GPC5: variants seen among roughly 807,000 people sequenced by gnomAD.
GPC5 encodes the protein glypican 5.
In GPC5, 47 loss-of-function variants were observed where a neutral mutation model predicts 53.9. The ratio of observed to expected loss-of-function variants is 0.87; its 90% CI spans 0.69 to 1.11. The LOEUF (loss-of-function observed/expected upper bound fraction) is 1.11, where lower values mean the gene tolerates loss of function less well. GPC5 is among the 50% of genes most tolerant of loss of function. GPC5 has a pLI of 0.00. For missense variants in GPC5, 748 were observed against 713.1 expected, an observed-to-expected ratio of 1.05 and a Z score of -0.56; for synonymous variants, 286 against 263.3, an observed-to-expected ratio of 1.09 and a Z score of -0.84.
At chr13:92,741,961 C>T (rs1314113849) in intron 7 of GPC5, among the ~76,000 whole-genome samples, 1 of 151,924 alleles carries the variant, frequency 6.6e-6, no homozygotes, top group Admixed American at 6.6e-5. Context: ...ATATGTGCCA[C>T]ATTTTCTTAA....
At chr13:91,573,312 A>G (rs2032006870) in intron 2 of GPC5, among the ~76,000 whole-genome samples, 1 of 152,170 alleles carries the variant, frequency 6.6e-6, no homozygotes, top group Non-Finnish European at 1.5e-5. Context: ...TAATCTCCTT[A>G]CGACAGCTAC....
chr13:91,871,753 G>A (rs2039147366), intron 5 of GPC5, among the ~76,000 whole-genome samples: 1 of 150,614 alleles, frequency 6.6e-6, no homozygotes, highest in South Asian at 2.1e-4. Context: ...ATTTGCTTTT[G>A]GAAATAACTT....
chr13:92,629,865 T>C (rs1242596726), intron 7 of GPC5, among the ~76,000 whole-genome samples: 2 of 152,170 alleles, frequency 1.3e-5, no homozygotes, highest in African/African-American at 4.8e-5. Context: ...GTTAGCGATT[T>C]TTCTGTAATT....
chr13:92,485,067 A>G (rs1390583444), intron 7 of GPC5, among the ~76,000 whole-genome samples: 1 of 152,118 alleles, frequency 6.6e-6, no homozygotes, highest in African/African-American at 2.4e-5. Context: ...AGATGCAGCC[A>G]AGGGGATGTT....
At chr13:91,650,532 A>G (rs1478955456) in intron 2 of GPC5, among the ~76,000 whole-genome samples, 1 of 148,622 alleles carries the variant, frequency 6.7e-6, no homozygotes, top group Non-Finnish European at 1.5e-5. Context: ...AAACAAAACA[A>G]AATGAAAACA....
At chr13:91,942,168 C>G (rs1478957874) in intron 6 of GPC5, among the ~76,000 whole-genome samples, 1 of 151,988 alleles carries the variant, frequency 6.6e-6, no homozygotes, top group Non-Finnish European at 1.5e-5. Flanking sequence ...TATTGTTGGT[C>G]TTATTTATGT....
At chr13:92,474,070 G>C (rs1879007804) in intron 7 of GPC5, among the ~76,000 whole-genome samples, 1 of 151,872 alleles carries the variant, frequency 6.6e-6, no homozygotes. Context: ...AATTGAAAAA[G>C]GTAATTATTC....
chr13:92,847,114 T>C (rs1389357152), intron 7 of GPC5, among the ~76,000 whole-genome samples: 3 of 152,180 alleles, frequency 2.0e-5, no homozygotes, highest in Admixed American at 6.5e-5. Context: ...TTAGAAATGA[T>C]TTTTCCCCAC....
chr13:91,767,113 T>A (rs1205441447), intron 5 of GPC5, among the ~76,000 whole-genome samples: 2 of 152,218 alleles, frequency 1.3e-5, no homozygotes, highest in African/African-American at 2.4e-5. Context: ...CATTCTTGAG[T>A]GAAATGCTCT....
chr13:92,261,163 A>G (rs2042764288), intron 7 of GPC5, among the ~76,000 whole-genome samples: 1 of 152,190 alleles, frequency 6.6e-6, no homozygotes, highest in African/African-American at 2.4e-5. Context: ...ATTATGATGT[A>G]TTATTAAATG....
At chr13:92,548,392 T>G (rs1882199257) in intron 7 of GPC5, among the ~76,000 whole-genome samples, 1 of 151,288 alleles carries the variant, frequency 6.6e-6, no homozygotes, top group Non-Finnish European at 1.5e-5. Context: ...ATATAAATTA[T>G]ATAAATATAT....
chr13:92,820,451 C>A (rs866252042), intron 7 of GPC5, among the ~76,000 whole-genome samples: 3 of 152,170 alleles, frequency 2.0e-5, no homozygotes, highest in African/African-American at 7.2e-5. Flanking sequence ...TCCTGTGAAA[C>A]CCCATTCTTC....
intron 2 of GPC5, among the ~76,000 whole-genome samples, chr13:91,565,424 G>C (rs1447635288): frequency 1.3e-5 from 2 of 152,212 alleles, no homozygotes; most frequent in Admixed American, 1.3e-4. Context: ...TACTGCTTAA[G>C]CGATGTACAG....
chr13:92,060,971 C>G (rs1387701113), intron 6 of GPC5, among the ~76,000 whole-genome samples: 1 of 151,968 alleles, frequency 6.6e-6, no homozygotes, highest in Non-Finnish European at 1.5e-5. Flanking sequence ...CTTGAGGCTA[C>G]TTGTGTTTAA....
In GPC5 at chr13:92,750,779, C is replaced by T. The variant is rs149286957; in HGVS notation, c.1562-115503C>T. ...AAACTTCAAAACAATGCAAAGGCTG[C>T]GTGGAGAGTCATGTAATTGTATCTT... On this transcript the variant is annotated intron_variant, in intron 7 of 7. Transcript: ENST00000377067. Among the ~76,000 whole-genome samples, 173 of 152,218 alleles carry T rather than the reference C, an allele frequency of 1.1e-3. 4 individuals are homozygous for T. Among genetic ancestry groups the T allele is most frequent in the African/African-American group, 4.0e-3 (166 of 41,538 alleles).
At chr13:92,842,406 T>C (rs1449933528) in intron 7 of GPC5, among the ~76,000 whole-genome samples, 3 of 152,080 alleles carry the variant, frequency 2.0e-5, no homozygotes, top group Non-Finnish European at 4.4e-5. Flanking sequence ...TGGGTTTGTG[T>C]CATGGCTGGG....
intron 6 of GPC5, among the ~76,000 whole-genome samples, chr13:91,933,749 T>C (rs1331774326): frequency 2.0e-5 from 3 of 151,952 alleles, no homozygotes; most frequent in African/African-American, 7.2e-5. Flanking sequence ...TGTATCATAG[T>C]GATTTGTAGT....
intron 6 of GPC5, among the ~76,000 whole-genome samples, chr13:92,030,267 A>G (rs956997119): frequency 6.6e-6 from 1 of 152,204 alleles, no homozygotes; most frequent in Non-Finnish European, 1.5e-5. Flanking sequence ...TTGGGGACTC[A>G]TGAATTTCCT....
At chr13:91,848,203 A>T (rs1419321596) in intron 5 of GPC5, among the ~76,000 whole-genome samples, 1 of 152,192 alleles carries the variant, frequency 6.6e-6, no homozygotes, top group Non-Finnish European at 1.5e-5. Flanking sequence ...CCTTACTCTC[A>T]CCTTGAAAAC....
Sources: allele counts gnomAD v4.1 joint callset (sites outside exome capture counted in the v4.1 genomes callset), GRCh38; gene constraint gnomAD v4.1.1; transcripts MANE v1.5; gene names NCBI Gene and HGNC (gene_info 2026-07-23, HGNC 2026-07-21).